Variants in SCP2 observed in about 807,000 individuals in gnomAD.
SCP2 encodes the protein SCP-2/3-oxoacyl-CoA thiolase.
In SCP2, 48 loss-of-function variants were observed where a neutral mutation model predicts 71.4. The ratio of observed to expected loss-of-function variants is 0.67; its 90% CI spans 0.53 to 0.86. SCP2 has a LOEUF of 0.86. Ranked by LOEUF, SCP2 falls within the 40% of genes least tolerant of loss-of-function variation. The probability of loss-of-function intolerance (pLI) is 0.00; values close to 1 mark genes in which losing one functional copy is unlikely to be tolerated. For synonymous variants in SCP2, 220 were observed against 218.1 expected (o/e 1.01, Z -0.08); for missense variants, 560 against 655.6 (o/e 0.85, Z 1.59).
At chr1:53,033,890 A>G (rs866866081) in intron 13 of SCP2, among the ~76,000 whole-genome samples, 1 of 152,190 alleles carries the variant, frequency 6.6e-6, no homozygotes, top group Admixed American at 6.5e-5. Flanking sequence ...AATAGGAAAA[A>G]ATGAAAACAA....
chr1:52,980,267 C>G, intron 9 of SCP2, 129 bp from the exon 10 acceptor site: 1 of 873,708 alleles, frequency 1.1e-6, no homozygotes, highest in Non-Finnish European at 1.7e-6. Flanking sequence ...AGCCAATGCA[C>G]CTGGGCAAAA....
intron 5 of SCP2, among the ~76,000 whole-genome samples, chr1:52,960,552 GTGTATATATGTA>G (rs1656280708): frequency 1.5e-5 from 2 of 137,102 alleles, no homozygotes; most frequent in Non-Finnish European, 3.1e-5. Context: ...GTATATACAT[GTGTATATATGTA>G]TGTATATATA....
At chr1:52,935,439 A>G (rs1233080741) in intron 1 of SCP2, among the ~76,000 whole-genome samples, 2 of 151,150 alleles carry the variant, frequency 1.3e-5, no homozygotes, top group Non-Finnish European at 2.9e-5. Flanking sequence ...AAAATACAAA[A>G]ATTAGCCAGG....
chr1:52,986,945 C>T (rs1659033037), intron 10 of SCP2, among the ~76,000 whole-genome samples: 1 of 148,482 alleles, frequency 6.7e-6, no homozygotes, highest in East Asian at 2.0e-4. Flanking sequence ...GTACTCAGCA[C>T]ATACAAATTG....
At chr1:53,047,506 A>G (rs72670841) in intron 14 of SCP2, among the ~76,000 whole-genome samples, 5 of 152,182 alleles carry the variant, frequency 3.3e-5, no homozygotes, top group Non-Finnish European at 7.3e-5. Context: ...GGCATCATAC[A>G]GTTTCTTTTG....
Position 53,015,907 on chromosome 1 carries a change from A to G in SCP2, c.1235+864A>G, listed in dbSNP as rs78386797. On this transcript the variant is annotated intron_variant, in intron 12 of 15. Transcript: ENST00000371514. Reference sequence around the variant, plus strand: ...GAATAACTTTGTCTTTATTTTCCCTATTTACTCTCTTTAACCCGGCTGTAG... The same window carrying G: ...GAATAACTTTGTCTTTATTTTCCCTGTTTACTCTCTTTAACCCGGCTGTAG... Among the ~76,000 whole-genome samples, 983 of 152,088 alleles carry G rather than the reference A, an allele frequency of 6.5e-3. 14 individuals are homozygous for G. Among genetic ancestry groups the G allele is most frequent in the African/African-American group, 0.023 (947 of 41,480 alleles).
intron 11 of SCP2, chr1:52,994,684 C>A: frequency 1.6e-6 from 1 of 608,430 alleles, no homozygotes. Context: ...TTGCCCCATG[C>A]ATACCTTGAG....
chr1:53,007,111 GAGCACCCGGATTCATAA>G (rs2150218021), intron 11 of SCP2, among the ~76,000 whole-genome samples: 2 of 152,204 alleles, frequency 1.3e-5, no homozygotes, highest in East Asian at 3.9e-4. Flanking sequence ...CCCAATACAG[GAGCACCCGGATTCATAA>G]AGCAAGTCCT....
chr1:52,980,877 G>A (rs919137983), intron 10 of SCP2, among the ~76,000 whole-genome samples: 1 of 152,122 alleles, frequency 6.6e-6, no homozygotes, highest in Non-Finnish European at 1.5e-5. Context: ...ACCTATTTAT[G>A]TTAATTTATT....
At chr1:52,991,820 C>G (rs1311672160) in intron 11 of SCP2, among the ~76,000 whole-genome samples, 1 of 151,970 alleles carries the variant, frequency 6.6e-6, no homozygotes, top group African/African-American at 2.4e-5. Flanking sequence ...GTACCTGAAG[C>G]TATACAAGGG....
At chr1:53,041,625 AGT>A (rs1210718645) in intron 14 of SCP2, among the ~76,000 whole-genome samples, 1 of 152,174 alleles carries the variant, frequency 6.6e-6, no homozygotes, top group Non-Finnish European at 1.5e-5. Context: ...CCACTGTCTA[AGT>A]GAGCGGAGAG....
At chr1:52,970,026 G>A (rs1240511724) in intron 6 of SCP2, among the ~76,000 whole-genome samples, 1 of 152,056 alleles carries the variant, frequency 6.6e-6, no homozygotes, top group Non-Finnish European at 1.5e-5. Flanking sequence ...TGTGTTAAAT[G>A]TATCACATTG....
At chr1:52,976,350 G>A (rs528279423) in intron 7 of SCP2, among the ~76,000 whole-genome samples, 1 of 152,202 alleles carries the variant, frequency 6.6e-6, no homozygotes, top group South Asian at 2.1e-4. Context: ...TGGTCTTTTG[G>A]TGGTCAGTCT....
intron 12 of SCP2, among the ~76,000 whole-genome samples, chr1:53,018,506 C>T (rs2150232829): frequency 6.6e-6 from 1 of 152,224 alleles, no homozygotes; most frequent in Non-Finnish European, 1.5e-5. Flanking sequence ...CTTTGGGAGG[C>T]TGAGGCGAGT....
At chr1:52,989,290 T>C (rs1659264561) in intron 11 of SCP2, among the ~76,000 whole-genome samples, 2 of 152,226 alleles carry the variant, frequency 1.3e-5, no homozygotes, top group Non-Finnish European at 2.9e-5. Flanking sequence ...TTCGGAGAAC[T>C]CTGGCAAAAA....
At chr1:53,040,645 C>A (rs146080361) in intron 14 of SCP2, among the ~76,000 whole-genome samples, 2,358 of 152,192 alleles carry the variant, frequency 0.015, 66 homozygotes, top group African/African-American at 0.054. Context: ...GGTGTGAACC[C>A]AGGAGGCGGA....
At chr1:52,954,415 A>G (rs1203491970) in intron 4 of SCP2, among the ~76,000 whole-genome samples, 1 of 152,132 alleles carries the variant, frequency 6.6e-6, no homozygotes. Flanking sequence ...ATTTATTTAG[A>G]GACAGAATTT....
chr1:52,943,463 C>T (rs377530273), intron 2 of SCP2: 32 of 183,914 alleles, frequency 1.7e-4, no homozygotes, highest in African/African-American at 7.4e-4. Context: ...ACCTCGTGAT[C>T]TGCCCACCTC....
chr1:53,010,067 A>C (rs1366188600), intron 11 of SCP2, among the ~76,000 whole-genome samples: 1 of 152,216 alleles, frequency 6.6e-6, no homozygotes, highest in Non-Finnish European at 1.5e-5. Context: ...GCAAATCAAA[A>C]CCACAATGAG....
Sources: allele counts gnomAD v4.1 joint callset (sites outside exome capture counted in the v4.1 genomes callset), GRCh38; gene constraint gnomAD v4.1.1; transcripts MANE v1.5; gene names NCBI Gene and HGNC (gene_info 2026-07-23, HGNC 2026-07-21).